POMT2: variants seen among roughly 807,000 people sequenced by gnomAD.
POMT2 encodes protein O-mannosyl-transferase 2.
Under a neutral mutation model 100.0 loss-of-function variants are expected in POMT2, and 75 were observed. The observed-to-expected ratio is 0.75, with a 90% CI of 0.62 to 0.91. The LOEUF (loss-of-function observed/expected upper bound fraction) is 0.91, where lower values mean the gene tolerates loss of function less well. Ranked by LOEUF, POMT2 falls within the 40% of genes least tolerant of loss-of-function variation. POMT2 has a pLI of 0.00. For synonymous variants in POMT2, 378 were observed against 374.1 expected, an observed-to-expected ratio of 1.01 and a Z score of -0.12; for missense variants, 940 against 955.1, an observed-to-expected ratio of 0.98 and a Z score of 0.21.
At chr14:77,314,424 T>C (rs1891552998) in intron 1 of POMT2, among the ~76,000 whole-genome samples, 1 of 152,222 alleles carries the variant, frequency 6.6e-6, no homozygotes, top group African/African-American at 2.4e-5. Flanking sequence ...ACCCAAGACT[T>C]TGTCTTCTGT....
chr14:77,279,901 T>A lies in POMT2; in HGVS notation c.1813A>T (p.Ile605Phe). 1 of 1,614,080 alleles carries A rather than the reference T, an allele frequency of 6.2e-7. No homozygotes were observed. The highest frequency in any genetic ancestry group is 2.2e-5 in the East Asian group (1 of 44,868). Reference protein sequence around the residue: ...PVVWWLNLLSIALYLLSGSII... With the variant: ...PVVWWLNLLSFALYLLSGSII... ...CTCCCTGAGAGGAGGTAGAGGGCGA[T>A]GCTCAACAGATTCAGCCACCAAACC... The change falls in exon 18 of 21, where the codon ATC becomes TTC. Residue 605 changes from isoleucine (I) to phenylalanine (F), a missense_variant. Transcript: ENST00000261534.
chr14:77,316,949 T>C (rs2139535354), intron 1 of POMT2, among the ~76,000 whole-genome samples: 1 of 152,288 alleles, frequency 6.6e-6, no homozygotes, highest in South Asian at 2.1e-4. Flanking sequence ...ACAGACTGGA[T>C]CACTCACGTA....
At chr14:77,286,709 T>G in intron 12 of POMT2, 35 bp downstream of exon 12, 1 of 1,613,854 alleles carries the variant, frequency 6.2e-7, no homozygotes, top group Non-Finnish European at 8.5e-7. Context: ...GCCCATAACT[T>G]TTACGTCCTA....
At chr14:77,285,178 G>A in intron 13 of POMT2, 137 bp from the exon 14 acceptor site, 4 of 853,284 alleles carry the variant, frequency 4.7e-6, no homozygotes, top group Non-Finnish European at 7.6e-6. Context: ...GTTCCATGTT[G>A]GACAACTATC....
At position 77,280,275 on chromosome 14, in the gene POMT2, C is replaced by G. The variant is rs151254680; in HGVS notation, c.1725+117G>C. 1.1e-3 allele frequency: 1,756 copies of G among 1,565,750 alleles called. 20 individuals carry two copies. In the African/African-American group the frequency reaches 0.021, roughly 19 times the overall value. On this transcript the variant is annotated intron_variant, in intron 16 of 20. Transcript: ENST00000261534. ...ACAGATACTCCCACCTCTGGCCAAC[C>G]CATCCCAGGAGGCCCCTCGCCCTGC...
At chr14:77,311,813 G>A in intron 2 of POMT2, 136 bp downstream of exon 2, 1 of 1,396,794 alleles carries the variant, frequency 7.2e-7, no homozygotes, top group Non-Finnish European at 9.6e-7. Context: ...AAAGTAGCTG[G>A]TCTGAAATGT....
chr14:77,292,889 C>G (rs1890687766), intron 9 of POMT2, among the ~76,000 whole-genome samples: 1 of 152,114 alleles, frequency 6.6e-6, no homozygotes, highest in East Asian at 1.9e-4. Context: ...TAGGCTGGAC[C>G]ACCTAGGTTT....
intron 18 of POMT2, chr14:77,279,607 CA>C (rs1376283222): frequency 2.9e-6 from 2 of 678,732 alleles, no homozygotes; most frequent in East Asian, 5.7e-5. Flanking sequence ...AAATGGGGGT[CA>C]TAATAGCCAA....
rs748296267 is a variant in POMT2, at chr14:77,304,805, G to A, written c.439-5C>T. 6.3e-6 allele frequency: 10 copies of A among 1,580,066 alleles called. No individual in the cohort carries two copies. The South Asian group carries it at 1.0e-4, about 17-fold the overall frequency. ...GGAGCCAAGGAATGCACAGAACTGT[G>A]GGAGGAATAGAGAAGCTGTCAAATA... On this transcript the variant is annotated splice_polypyrimidine_tract_variant and splice_region_variant and intron_variant, in intron 3 of 20. Transcript: ENST00000261534.
intron 9 of POMT2, among the ~76,000 whole-genome samples, chr14:77,292,546 C>A (rs562336258): frequency 6.6e-6 from 1 of 152,292 alleles, no homozygotes; most frequent in South Asian, 2.1e-4. Flanking sequence ...AGACTATATA[C>A]GTCCAATTAT....
chr14:77,308,292 T>C (rs1891299827), intron 2 of POMT2, among the ~76,000 whole-genome samples: 1 of 151,006 alleles, frequency 6.6e-6, no homozygotes, highest in African/African-American at 2.4e-5. Context: ...ACCTAACTCA[T>C]ACAGTCATGC....
chr14:77,319,289 TG>T (rs773271759), intron 1 of POMT2, among the ~76,000 whole-genome samples: 15 of 152,212 alleles, frequency 9.9e-5, no homozygotes, highest in South Asian at 2.1e-4. Context: ...CTTATTCTGC[TG>T]CTTAGAGTCC....
Position 77,301,093 on chromosome 14 carries a change from T to C in POMT2, c.813A>G (p.Ser271=). ...LWYLFGDLSL[S]LVTVGKHLTA... is the part of the protein sequence containing the mutation. ...CAGCAAACCCTTGGGTGCTCACCAA[T>C]GAAAGACTGAGGTCTCCGAACAGGT... The change falls in exon 6 of 21, where the codon TCA becomes TCG. Residue 271 remains serine (S), a synonymous_variant. Coordinates refer to ENST00000261534, the MANE Select transcript of POMT2 (RefSeq NM_013382.7). 6.2e-7 allele frequency: 1 copy of C among 1,614,066 alleles called. No homozygotes were observed.
At chr14:77,312,562 C>G (rs907429519) in intron 1 of POMT2, 2 of 153,778 alleles carry the variant, frequency 1.3e-5, no homozygotes, top group African/African-American at 4.8e-5. Context: ...ACTAGGGAGG[C>G]TGAGGCGTGA....
In POMT2 at chr14:77,280,384, G is replaced by C; in HGVS notation, c.1725+8C>G. On this transcript the variant is annotated splice_region_variant and intron_variant, in intron 16 of 20. Transcript: ENST00000261534. ...TTTCCTGGGAGGAGCCCCAGCCTTG[G>C]ATCCTACCTGATAGTTGATAGGCCA... 1 of 1,614,158 alleles carries C rather than the reference G, an allele frequency of 6.2e-7. No individual in the cohort carries two copies. The highest frequency in any genetic ancestry group is 8.5e-7 in the Non-Finnish European group (1 of 1,180,038).
chr14:77,299,590 A>G, intron 6 of POMT2, 29 bp from the exon 7 acceptor site: 1 of 1,543,688 alleles, frequency 6.5e-7, no homozygotes, highest in Non-Finnish European at 9.0e-7. Context: ...GTGGGGTGCT[A>G]GGCATGTGAG....
Position 77,320,476 on chromosome 14 carries a change from A to C in POMT2, c.206T>G (p.Phe69Cys), listed in dbSNP as rs1891834861. ...ALLALVTLLS[F>C]ATRFHRLDEP... ...GTCCAAGCGGTGGAAGCGGGTGGCG[A>C]AGGACAGCAGCGTCACCAAGGCCAG... is the stretch of plus-strand genomic sequence containing the variant. The change falls in exon 1 of 21, where the codon TTC (phenylalanine) becomes TGC (cysteine). Residue 69 changes from phenylalanine to cysteine, a missense_variant. By Grantham distance (205) the Phe-to-Cys change is radical (BLOSUM62 -2). Coordinates refer to ENST00000261534, the MANE Select transcript of POMT2 (RefSeq NM_013382.7). The C allele has an allele frequency of 6.5e-7, 1 of 1,545,746 alleles. No homozygotes were observed. Among genetic ancestry groups the C allele is most frequent in the South Asian group, 1.2e-5 (1 of 84,242 alleles).
intron 9 of POMT2, among the ~76,000 whole-genome samples, chr14:77,294,619 A>G (rs1017752224): frequency 6.6e-6 from 1 of 152,160 alleles, no homozygotes; most frequent in Admixed American, 6.5e-5. Context: ...TGGTTTTTAA[A>G]ACCATTTTTA....
At chr14:77,285,298 A>C (rs1306354059) in intron 13 of POMT2, 183 bp downstream of exon 13, 1 of 816,680 alleles carries the variant, frequency 1.2e-6, no homozygotes, top group African/African-American at 1.7e-5. Context: ...CACATAAAAC[A>C]CCGAAGCTCC....
Sources: allele counts gnomAD v4.1 joint callset (sites outside exome capture counted in the v4.1 genomes callset), GRCh38; gene constraint gnomAD v4.1.1; transcripts MANE v1.5; gene names NCBI Gene and HGNC (gene_info 2026-07-23, HGNC 2026-07-21).